The following CSMD1 variants were observed in gnomAD, a reference collection of about 807,000 sequenced individuals.
The protein encoded by CSMD1 is CUB and Sushi multiple domains 1, also known as CUB and sushi domain-containing protein 1.
In CSMD1, 213 loss-of-function variants were observed where a neutral mutation model predicts 417.5. The observed-to-expected ratio is 0.51, with a 90% CI of 0.46 to 0.57. The LOEUF (loss-of-function observed/expected upper bound fraction) is 0.57. Ranked by LOEUF, CSMD1 falls within the 20% of genes least tolerant of loss-of-function variation. The pLI is 0.00. For missense variants in CSMD1, 6,923 were observed against 4,529.7 expected (o/e 1.53, Z -15.17); for synonymous variants, 2,862 against 1,736.8 (o/e 1.65, Z -16.11).
At chr8:3,262,944 T>C (rs572073984) in intron 26 of CSMD1, among the ~76,000 whole-genome samples, 42 of 152,348 alleles carry the variant, frequency 2.8e-4, no homozygotes, top group South Asian at 6.2e-4. Flanking sequence ...TGAAAAAGTT[T>C]GTTGTTAATT....
At chr8:4,985,683 T>A (rs1331545349) in intron 1 of CSMD1, among the ~76,000 whole-genome samples, 1 of 152,200 alleles carries the variant, frequency 6.6e-6, no homozygotes, top group Non-Finnish European at 1.5e-5. Context: ...GAATTTCCCT[T>A]GATATTATTT....
chr8:4,826,774 C>T (rs923304125), intron 1 of CSMD1, among the ~76,000 whole-genome samples: 2 of 152,154 alleles, frequency 1.3e-5, no homozygotes, highest in Non-Finnish European at 2.9e-5. Context: ...TAGGAGCTCC[C>T]TCTGCTATAT....
At chr8:3,754,082 C>A (rs369304401) in intron 5 of CSMD1, 40 bp from the exon 6 acceptor site, 2 of 1,366,402 alleles carry the variant, frequency 1.5e-6, no homozygotes, top group Admixed American at 1.8e-5. Context: ...CCTTGTAAAC[C>A]AACAGAGCAA....
At chr8:4,781,899 C>G (rs1797168964) in intron 1 of CSMD1, among the ~76,000 whole-genome samples, 1 of 152,122 alleles carries the variant, frequency 6.6e-6, no homozygotes, top group Non-Finnish European at 1.5e-5. Flanking sequence ...ACCACATACC[C>G]AGCTAGTAAA....
chr8:3,943,720 C>G (rs1811046775), intron 5 of CSMD1, among the ~76,000 whole-genome samples: 1 of 151,766 alleles, frequency 6.6e-6, no homozygotes, highest in East Asian at 1.9e-4. Flanking sequence ...ACATTTCTGC[C>G]AAAAAAATAT....
At chr8:4,075,888 A>G (rs1230914103) in intron 3 of CSMD1, among the ~76,000 whole-genome samples, 5 of 152,190 alleles carry the variant, frequency 3.3e-5, no homozygotes, top group South Asian at 2.1e-4. Context: ...CCCAGAAATT[A>G]TAATTGGAAT....
At chr8:3,104,396 G>A (rs1815976969) in intron 46 of CSMD1, among the ~76,000 whole-genome samples, 2 of 152,090 alleles carry the variant, frequency 1.3e-5, no homozygotes. Context: ...CAACCTAGAG[G>A]CACAGATTTT....
intron 3 of CSMD1, among the ~76,000 whole-genome samples, chr8:4,323,033 G>T (rs1228408491): frequency 6.6e-6 from 1 of 152,190 alleles, no homozygotes; most frequent in African/African-American, 2.4e-5. Flanking sequence ...GCAGGAATCT[G>T]AGAATAGAAA....
intron 2 of CSMD1, among the ~76,000 whole-genome samples, chr8:4,422,301 A>G (rs549146866): frequency 6.6e-6 from 1 of 152,000 alleles, no homozygotes; most frequent in East Asian, 1.9e-4. Context: ...CATTGACACT[A>G]CCCTTTCCCT....
At chr8:3,133,271 C>T (rs1015587170) in intron 41 of CSMD1, among the ~76,000 whole-genome samples, 3 of 152,168 alleles carry the variant, frequency 2.0e-5, no homozygotes, top group African/African-American at 7.2e-5. Context: ...TTCCTGGGTC[C>T]CCCGCCTGCT....
chr8:4,855,226 A>C (rs1448039387), intron 1 of CSMD1, among the ~76,000 whole-genome samples: 1 of 150,436 alleles, frequency 6.6e-6, no homozygotes, highest in Non-Finnish European at 1.5e-5. Context: ...AGAAAAACTA[A>C]CAAACAGAAA....
chr8:3,683,558 A>G (rs1407419139), intron 7 of CSMD1, among the ~76,000 whole-genome samples: 1 of 152,204 alleles, frequency 6.6e-6, no homozygotes, highest in African/African-American at 2.4e-5. Context: ...TTGAAACCAA[A>G]AGAAAAATGA....
At chr8:4,711,564 G>T (rs1370723208) in intron 1 of CSMD1, among the ~76,000 whole-genome samples, 2 of 151,574 alleles carry the variant, frequency 1.3e-5, no homozygotes, top group Admixed American at 6.6e-5. Context: ...AAAGGACAGA[G>T]AAATTTGAAA....
chr8:3,460,655 C>G (rs55877474), intron 12 of CSMD1, among the ~76,000 whole-genome samples: 21,496 of 152,050 alleles, frequency 0.14, 1,542 homozygotes, highest in East Asian at 0.23. Context: ...CTAGACGGAA[C>G]TGACCGAAAT....
intron 2 of CSMD1, among the ~76,000 whole-genome samples, chr8:4,527,042 T>A (rs1796550600): frequency 6.6e-6 from 1 of 152,204 alleles, no homozygotes; most frequent in South Asian, 2.1e-4. Flanking sequence ...TTCATATTTT[T>A]CTTTCCCTTT....
rs1563176295 is a variant in CSMD1 at position 4,441,102 on chromosome 8, T to TTTTTTTTTTTTTTTTG, written c.303-21038_303-21037insCAAAAAAAAAAAAAAA. 3.3e-5 allele frequency among the ~76,000 whole-genome samples: 3 copies of TTTTTTTTTTTTTTTTG among 91,384 alleles called. 1 individual carries two copies. The East Asian group carries it at 1.0e-3, about 32-fold the overall frequency. 60.0% of individuals were successfully genotyped at this position (91,384 alleles called of 152,430 possible). On this transcript the variant is annotated intron_variant, in intron 2 of 69. Coordinates refer to ENST00000635120, the MANE Select transcript of CSMD1 (RefSeq NM_033225.6). ...TGACTCGTTAATCAAAAGGTTTTTT[T>TTTTTTTTTTTTTTTTG]TTTTTTTTTTTTTTTTAAGAGATAG...
At chr8:4,797,592 G>T (rs1458456989) in intron 1 of CSMD1, among the ~76,000 whole-genome samples, 1 of 152,080 alleles carries the variant, frequency 6.6e-6, no homozygotes, top group Non-Finnish European at 1.5e-5. Context: ...ATTATTCCAG[G>T]GTATGGGGGG....
intron 3 of CSMD1, among the ~76,000 whole-genome samples, chr8:4,262,044 C>G (rs1415305631): frequency 6.6e-6 from 1 of 152,102 alleles, no homozygotes; most frequent in African/African-American, 2.4e-5. Flanking sequence ...TTATTATTGT[C>G]CCATATTTTA....
intron 5 of CSMD1, among the ~76,000 whole-genome samples, chr8:3,784,249 G>T (rs905816570): frequency 4.6e-5 from 7 of 152,130 alleles, no homozygotes; most frequent in Admixed American, 3.3e-4. Flanking sequence ...GTAAATAAAT[G>T]TCCAACACAG....
Sources: gnomAD v4.1 joint callset for allele counts (sites outside exome capture counted in the v4.1 genomes callset) on GRCh38, gnomAD v4.1.1 for gene constraint, MANE v1.5 for transcripts, NCBI Gene and HGNC (gene_info 2026-07-23, HGNC 2026-07-21) for gene names.